Variants in PRKCE observed in about 807,000 individuals in gnomAD.
PRKCE encodes the protein protein kinase C epsilon, also known as protein kinase C epsilon type.
PRKCE carries 16 observed loss-of-function variants against 85.4 expected under a neutral mutation model. The ratio of observed to expected loss-of-function variants is 0.19; its 90% CI spans 0.13 to 0.28. The LOEUF (loss-of-function observed/expected upper bound fraction) is 0.28. PRKCE is among the 10% of genes least tolerant of loss of function. The probability of loss-of-function intolerance (pLI) is 1.00; values close to 1 mark genes in which losing one functional copy is unlikely to be tolerated. For synonymous variants in PRKCE, 388 were observed against 371.5 expected, an observed-to-expected ratio of 1.04 and a Z score of -0.51; for missense variants, 573 against 975.2, an observed-to-expected ratio of 0.59 and a Z score of 5.49.
chr2:45,893,041 C>T (rs1262717713), intron 2 of PRKCE, among the ~76,000 whole-genome samples: 1 of 152,174 alleles, frequency 6.6e-6, no homozygotes, highest in Admixed American at 6.5e-5. Context: ...GAAAGGGGCT[C>T]TCCAAGATGG....
chr2:46,110,920 A>T (rs151217817), intron 11 of PRKCE, among the ~76,000 whole-genome samples: 1 of 152,174 alleles, frequency 6.6e-6, no homozygotes, highest in African/African-American at 2.4e-5. Context: ...AAGTATTTTT[A>T]AATATTTCTT....
At chr2:45,769,771 G>C (rs1463181324) in intron 1 of PRKCE, among the ~76,000 whole-genome samples, 1 of 152,224 alleles carries the variant, frequency 6.6e-6, no homozygotes, top group African/African-American at 2.4e-5. Flanking sequence ...AAATCAACCA[G>C]ATACAGATTA....
intron 11 of PRKCE, among the ~76,000 whole-genome samples, chr2:46,093,311 A>G (rs551982072): frequency 1.1e-4 from 16 of 152,308 alleles, no homozygotes; most frequent in African/African-American, 3.6e-4. Context: ...AGTTTACACA[A>G]TGAGATAGTA....
chr2:45,793,882 T>A lies in PRKCE; in HGVS notation c.349-49118T>A, dbSNP rs1687214102. 2.0e-5 allele frequency among the ~76,000 whole-genome samples: 3 copies of A among 152,166 alleles called. No homozygotes were observed. The South Asian group carries it at 6.2e-4, about 32-fold the overall frequency. On this transcript the variant is annotated intron_variant, in intron 1 of 14. Transcript: ENST00000306156. ...ATAGCCAGGAACAAAGGACTCTGAG[T>A]CATGAGTGTTCACATTTTTTTTTTC...
chr2:45,762,929 C>CTTTCT (rs369929767), intron 1 of PRKCE, among the ~76,000 whole-genome samples: 12,451 of 147,036 alleles, frequency 0.085, 657 homozygotes, highest in African/African-American at 0.13. Flanking sequence ...TTGAGGTGTT[C>CTTTCT]TTTCTTTTCT....
intron 2 of PRKCE, among the ~76,000 whole-genome samples, chr2:45,971,447 T>A (rs6705321): frequency 0.82 from 124,789 of 152,236 alleles, 51,687 homozygotes; most frequent in East Asian, 0.97. Context: ...TACGTCAAGG[T>A]AGAAAGCTAT....
Position 45,921,108 on chromosome 2 carries a change from C to G in PRKCE, c.413-55321C>G, listed in dbSNP as rs114158496. ...TGTTTATGAAATATTTTCACAAAATCGAAATAAACTGCTTAGGCACTGGTC... is the reference window on the plus strand; with the variant it reads ...TGTTTATGAAATATTTTCACAAAATGGAAATAAACTGCTTAGGCACTGGTC... On this transcript the variant is annotated intron_variant, in intron 2 of 14. Transcript: ENST00000306156. Among the ~76,000 whole-genome samples the G allele has an allele frequency of 1.7e-3, 265 of 152,300 alleles. 4 individuals are homozygous for G. The highest frequency in any genetic ancestry group is 6.2e-3 in the African/African-American group (258 of 41,548).
At chr2:45,737,899 C>T (rs12472977) in intron 1 of PRKCE, among the ~76,000 whole-genome samples, 3,258 of 152,240 alleles carry the variant, frequency 0.021, 86 homozygotes, top group Admixed American at 0.073. Context: ...TACATCCCTC[C>T]CCCAACCTTA....
At chr2:46,178,724 G>A (rs960505472) in intron 14 of PRKCE, among the ~76,000 whole-genome samples, 39 of 152,164 alleles carry the variant, frequency 2.6e-4, no homozygotes, top group African/African-American at 8.4e-4. Context: ...AAGCTAGGAC[G>A]GACTTGGGAT....
chr2:46,147,629 G>C (rs575396629), intron 12 of PRKCE, among the ~76,000 whole-genome samples: 1 of 152,234 alleles, frequency 6.6e-6, no homozygotes, highest in Non-Finnish European at 1.5e-5. Flanking sequence ...TGGTCTTGCT[G>C]TAGGCAAATT....
At chr2:45,965,028 C>A (rs979926512) in intron 2 of PRKCE, among the ~76,000 whole-genome samples, 1 of 152,194 alleles carries the variant, frequency 6.6e-6, no homozygotes, top group Non-Finnish European at 1.5e-5. Context: ...AAATGCCACC[C>A]GTTCTCTTCT....
chr2:45,948,427 G>A (rs1700385541), intron 2 of PRKCE, among the ~76,000 whole-genome samples: 1 of 152,136 alleles, frequency 6.6e-6, no homozygotes, highest in Non-Finnish European at 1.5e-5. Context: ...ATCGCTTGAG[G>A]GCAGGAGTTC....
chr2:46,100,270 C>A (rs2104066068), intron 11 of PRKCE, among the ~76,000 whole-genome samples: 1 of 152,282 alleles, frequency 6.6e-6, no homozygotes, highest in South Asian at 2.1e-4. Flanking sequence ...GAAGGTGAGA[C>A]TTCATTGGCT....
At chr2:45,922,276 A>C (rs577039310) in intron 2 of PRKCE, among the ~76,000 whole-genome samples, 2 of 152,196 alleles carry the variant, frequency 1.3e-5, no homozygotes, top group Admixed American at 6.5e-5. Context: ...ACAAATTGCC[A>C]TTAGCTTTCC....
chr2:45,729,158 A>T (rs1681343332), intron 1 of PRKCE, among the ~76,000 whole-genome samples: 1 of 152,224 alleles, frequency 6.6e-6, no homozygotes, highest in Non-Finnish European at 1.5e-5. Flanking sequence ...GAACAGAGGC[A>T]TTGTCCTTGG....
chr2:46,132,960 T>C (rs943857232), intron 11 of PRKCE, among the ~76,000 whole-genome samples: 3 of 152,150 alleles, frequency 2.0e-5, no homozygotes, highest in Non-Finnish European at 2.9e-5. Context: ...CCCGTCAAAT[T>C]GTGTGGAGTT....
intron 2 of PRKCE, among the ~76,000 whole-genome samples, chr2:45,971,763 T>G (rs1028176709): frequency 1.3e-5 from 2 of 152,226 alleles, no homozygotes; most frequent in African/African-American, 4.8e-5. Context: ...TGACCAATGT[T>G]AATGTTTTCT....
At chr2:45,762,954 TTC>T (rs1553403689) in intron 1 of PRKCE, among the ~76,000 whole-genome samples, 1,524 of 99,092 alleles carry the variant, frequency 0.015, 24 homozygotes, top group African/African-American at 0.053. Context: ...TTTTCTTTTC[TTC>T]TTTTTTTTTT....
At chr2:46,174,601 G>A (rs963277059) in intron 14 of PRKCE, among the ~76,000 whole-genome samples, 15 of 152,062 alleles carry the variant, frequency 9.9e-5, no homozygotes, top group South Asian at 6.2e-4. Context: ...TTCCCGGTGC[G>A]CCCAGGCTCC....
Sources: gnomAD v4.1 joint callset for allele counts (sites outside exome capture counted in the v4.1 genomes callset) on GRCh38, gnomAD v4.1.1 for gene constraint, MANE v1.5 for transcripts, NCBI Gene and HGNC (gene_info 2026-07-23, HGNC 2026-07-21) for gene names.